CEP57: variants seen among roughly 807,000 people sequenced by gnomAD.
CEP57 encodes the protein centrosomal protein of 57 kDa.
In CEP57, 40 loss-of-function variants were observed where a neutral mutation model predicts 68.0. The observed-to-expected ratio is 0.59, with a 90% CI of 0.46 to 0.77. The LOEUF (loss-of-function observed/expected upper bound fraction) is 0.77. Ranked by LOEUF, CEP57 falls within the 30% of genes least tolerant of loss-of-function variation. The pLI is 0.00. For synonymous variants in CEP57, 219 were observed against 198.7 expected, an observed-to-expected ratio of 1.10 and a Z score of -0.86; for missense variants, 606 against 580.7, an observed-to-expected ratio of 1.04 and a Z score of -0.45.
At chr11:95,830,870 A>G (rs899188786) in intron 10 of CEP57, among the ~76,000 whole-genome samples, 156 bp from the exon 11 acceptor site, 2 of 150,222 alleles carry the variant, frequency 1.3e-5, no homozygotes, top group South Asian at 2.1e-4. Context: ...CTAGTGCAGT[A>G]GATTTTGAAG....
intron 6 of CEP57, among the ~76,000 whole-genome samples, chr11:95,819,904 T>TTTG (rs35120835): frequency 0.35 from 52,552 of 151,918 alleles, 9,757 homozygotes; most frequent in Non-Finnish European, 0.42. Flanking sequence ...AATTTGTAGA[T>TTTG]TTGTTGTTGT....
At position 95,803,720 on chromosome 11, in the gene CEP57, T is replaced by G. The variant is rs181689438; in HGVS notation, c.202+4332T>G. ...TTTTTTTTTTCGGCTTGTAACTAGC[T>G]TCATTTTTTCTAGCTACAAAAGAGC... is the stretch of plus-strand genomic sequence containing the variant. On this transcript the variant is annotated intron_variant, in intron 2 of 10. Transcript: ENST00000325542. Among the ~76,000 whole-genome samples, 88 of 151,434 alleles carry G rather than the reference T, an allele frequency of 5.8e-4. 1 individual carries two copies. Among genetic ancestry groups the G allele is most frequent in the Middle Eastern group, 6.8e-3 (2 of 294 alleles).
chr11:95,801,851 A>G (rs1033280269), intron 2 of CEP57, among the ~76,000 whole-genome samples: 1 of 152,186 alleles, frequency 6.6e-6, no homozygotes, highest in Non-Finnish European at 1.5e-5. Context: ...GGAGAAATAA[A>G]CAAGATAAAA....
In CEP57 at chr11:95,821,903, C is replaced by T; in HGVS notation, c.732C>T (p.Ile244=). The T allele has an allele frequency of 1.2e-6, 2 of 1,612,144 alleles. No homozygotes were observed. The highest frequency in any genetic ancestry group is 1.7e-6 in the Non-Finnish European group (2 of 1,179,368). ...LQTGLETNRL[I]FEDKATPCVP... ...CTGGTCTAGAAACAAATAGACTTAT[C>T]TTTGAAGATAAGGCAACTCCGTGTG... Residue 244 remains isoleucine, a synonymous_variant, in exon 7 of 11, where the codon ATC becomes ATT. Coordinates refer to ENST00000325542, the MANE Select transcript of CEP57 (RefSeq NM_014679.5).
chr11:95,826,494 G>A (rs904198315), intron 8 of CEP57: 1 of 152,088 alleles, frequency 6.6e-6, no homozygotes, highest in Admixed American at 6.6e-5. Flanking sequence ...AATGGATGCT[G>A]GGGTTAATAC....
chr11:95,828,991 G>A (rs376815356), intron 9 of CEP57, among the ~76,000 whole-genome samples, 196 bp from the exon 10 acceptor site: 3 of 150,484 alleles, frequency 2.0e-5, no homozygotes, highest in Non-Finnish European at 2.9e-5. Flanking sequence ...GCTGTGAGCC[G>A]AGATCATGTC....
chr11:95,794,956 G>T (rs1310177800), intron 1 of CEP57, among the ~76,000 whole-genome samples: 1 of 152,136 alleles, frequency 6.6e-6, no homozygotes, highest in Non-Finnish European at 1.5e-5. Flanking sequence ...TTTGCAATAT[G>T]TTCATTTCCA....
At chr11:95,827,550 A>G (rs1273301172) in intron 8 of CEP57, 5 of 504,168 alleles carry the variant, frequency 9.9e-6, no homozygotes, top group Non-Finnish European at 1.8e-5. Context: ...GAGGCTAGGA[A>G]ATGTAGGTTG....
At chr11:95,804,639 T>C (rs1861716981) in intron 2 of CEP57, among the ~76,000 whole-genome samples, 1 of 152,166 alleles carries the variant, frequency 6.6e-6, no homozygotes, top group East Asian at 1.9e-4. Context: ...CTCAAGCCAA[T>C]TTTATGTGCT....
At chr11:95,792,498 A>C (rs1178378382) in intron 1 of CEP57, among the ~76,000 whole-genome samples, 1 of 152,222 alleles carries the variant, frequency 6.6e-6, no homozygotes, top group Admixed American at 6.5e-5. Context: ...AATATTAAAT[A>C]AACGTTTAAT....
chr11:95,821,161 T>C (rs1358394842), intron 6 of CEP57, among the ~76,000 whole-genome samples: 2 of 152,198 alleles, frequency 1.3e-5, no homozygotes, highest in Non-Finnish European at 2.9e-5. Context: ...TTGGTACATA[T>C]AGGCAGATTT....
In CEP57 at chr11:95,827,934, AGTT is replaced by A. The variant is rs1053817908; in HGVS notation, c.1037_1039del (p.Leu346del). On this transcript the variant is annotated inframe_deletion, in exon 9 of 11. Coordinates refer to ENST00000325542, the MANE Select transcript of CEP57 (RefSeq NM_014679.5). ...TCTTCACGAGGTGGTAAAAGTAAGA[AGTT>A]GTCAGTAACACCTCCCTCCTCCAAC... 1.9e-6 allele frequency: 3 copies of A among 1,614,018 alleles called. No homozygotes were observed. The highest frequency in any genetic ancestry group is 2.5e-6 in the Non-Finnish European group (3 of 1,180,024).
At chr11:95,822,282 CTG>C (rs1414745076) in intron 7 of CEP57, 4 of 587,568 alleles carry the variant, frequency 6.8e-6, no homozygotes, top group Admixed American at 3.0e-5. Context: ...TAGAATGTAA[CTG>C]TTGTTTTGTC....
intron 1 of CEP57, among the ~76,000 whole-genome samples, chr11:95,796,345 T>G (rs1330958450): frequency 6.6e-6 from 1 of 152,192 alleles, no homozygotes; most frequent in African/African-American, 2.4e-5. Context: ...CAATCATATT[T>G]TGGTTGGAAT....
chr11:95,800,701 G>C (rs192044161), intron 2 of CEP57, among the ~76,000 whole-genome samples: 1 of 152,176 alleles, frequency 6.6e-6, no homozygotes, highest in African/African-American at 2.4e-5. Context: ...AGTCTCTTAT[G>C]TTTCAAATCT....
At chr11:95,817,211 C>A (rs1020844611) in intron 4 of CEP57, among the ~76,000 whole-genome samples, 4 of 143,406 alleles carry the variant, frequency 2.8e-5, no homozygotes, top group Non-Finnish European at 6.1e-5. Flanking sequence ...ACTAAAAATA[C>A]AAAAAATTAG....
In CEP57 at chr11:95,804,089, G is replaced by A. The variant is rs191210428; in HGVS notation, c.202+4701G>A. 1.4e-3 allele frequency among the ~76,000 whole-genome samples: 210 copies of A among 152,224 alleles called. 4 individuals carry two copies. The highest frequency in any genetic ancestry group is 9.6e-3 in the Admixed American group (146 of 15,286). On this transcript the variant is annotated intron_variant, in intron 2 of 10. Coordinates refer to ENST00000325542, the MANE Select transcript of CEP57 (RefSeq NM_014679.5). The stretch of plus-strand genomic sequence containing the variant: ...TAATGAAAAATATGAAATTTATCAG[G>A]TATGACAAATGTGATTACGTCAACT...
At position 95,818,872 on chromosome 11, in the gene CEP57, G is replaced by T; in HGVS notation, c.667G>T (p.Glu223Ter). The change falls in exon 6 of 11, where the codon GAA becomes TAA. Residue 223 changes from glutamate (E) to a stop codon, truncating the protein, a stop_gained. Coordinates refer to ENST00000325542, the MANE Select transcript of CEP57 (RefSeq NM_014679.5). LOFTEE classifies it high-confidence loss of function. ...LEAKLHEEEQ[E>*]RKRMQAKAAE... The stretch of plus-strand genomic sequence containing the variant: ...AGCAAAACTCCATGAAGAAGAACAG[G>T]AAAGGAAACGCATGCAAGCTAAGGC... 6.2e-7 allele frequency: 1 copy of T among 1,613,988 alleles called. No homozygotes were observed. Among genetic ancestry groups the T allele is most frequent in the Non-Finnish European group, 8.5e-7 (1 of 1,179,934 alleles).
chr11:95,824,631 C>T (rs1246982438), intron 8 of CEP57, among the ~76,000 whole-genome samples: 1 of 152,136 alleles, frequency 6.6e-6, no homozygotes, highest in African/African-American at 2.4e-5. Flanking sequence ...GGGTATCTTC[C>T]TGAACAGGCT....
Sources: allele counts gnomAD v4.1 joint callset (sites outside exome capture counted in the v4.1 genomes callset), GRCh38; gene constraint gnomAD v4.1.1; transcripts MANE v1.5; gene names NCBI Gene and HGNC (gene_info 2026-07-23, HGNC 2026-07-21).